PTPRZ1: variants seen among roughly 807,000 people sequenced by gnomAD.
The protein encoded by PTPRZ1 is receptor-type tyrosine-protein phosphatase zeta.
A neutral mutation model predicts 214.1 loss-of-function variants in PTPRZ1; 82 were observed. The ratio of observed to expected loss-of-function variants is 0.38; its 90% CI spans 0.32 to 0.46. PTPRZ1 has a LOEUF of 0.46. Among genes scored for constraint, PTPRZ1 ranks in the 20% least tolerant of loss-of-function variants. The pLI, the probability that PTPRZ1 is intolerant of heterozygous loss-of-function variation, is 1.00. For synonymous variants in PTPRZ1, 945 were observed against 987.9 expected (o/e 0.96, Z 0.81); for missense variants, 2,603 against 2,748.7 (o/e 0.95, Z 1.19).
At chr7:122,035,600 A>G (rs1363426820) in intron 17 of PTPRZ1, among the ~76,000 whole-genome samples, 2 of 152,236 alleles carry the variant, frequency 1.3e-5, no homozygotes, top group Non-Finnish European at 2.9e-5. Flanking sequence ...CAGAAATTCT[A>G]AAACTATTAA....
chr7:121,934,010 A>G (rs981180695), intron 2 of PTPRZ1, among the ~76,000 whole-genome samples: 5 of 152,132 alleles, frequency 3.3e-5, no homozygotes, highest in African/African-American at 1.2e-4. Context: ...GTTAAAAAAT[A>G]TGTATTTATA....
Position 122,011,599 on chromosome 7 carries a change from T to C in PTPRZ1, c.2553T>C (p.Ser851=). Residue 851 remains serine (S), a synonymous_variant, in exon 12 of 30, where the codon AGT becomes AGC. Coordinates refer to ENST00000393386, the MANE Select transcript of PTPRZ1 (RefSeq NM_002851.3). ...CACAAGTTACTTCAGCTACCGAGAGTGATAAGGTGCCCTTGCATGCTTCTC... is the reference window on the plus strand; with the variant it reads ...CACAAGTTACTTCAGCTACCGAGAGCGATAAGGTGCCCTTGCATGCTTCTC... The part of the protein sequence containing the change: ...ILPQVTSATE[S]DKVPLHASLP... 6.2e-7 allele frequency: 1 copy of C among 1,613,694 alleles called. No individual in the cohort carries two copies. The highest frequency in any genetic ancestry group is 8.5e-7 in the Non-Finnish European group (1 of 1,179,892).
intron 14 of PTPRZ1, among the ~76,000 whole-genome samples, chr7:122,029,098 T>G (rs1004272332): frequency 6.4e-5 from 9 of 140,720 alleles, no homozygotes; most frequent in Non-Finnish European, 1.2e-4. Flanking sequence ...AGAAAAGGGT[T>G]TTTTTTTTTT....
At chr7:122,000,769 C>A (rs1798299858) in intron 10 of PTPRZ1, among the ~76,000 whole-genome samples, 1 of 147,022 alleles carries the variant, frequency 6.8e-6, no homozygotes, top group Non-Finnish European at 1.5e-5. Flanking sequence ...CTGCTGCACC[C>A]TCCACCTCCT....
In PTPRZ1 at chr7:122,061,158, G is replaced by T; in HGVS notation, c.6886G>T (p.Asp2296Tyr). ...RQEENPSTSL[D>Y]SNGAALPDGN... Reference sequence around the variant, plus strand: ...GGAAGAGAATCCATCCACCTCTCTGGACAGTAATGGTGCAGCATTGCCTGA... The same window carrying T: ...GGAAGAGAATCCATCCACCTCTCTGTACAGTAATGGTGCAGCATTGCCTGA... The change falls in exon 30 of 30, where the codon GAC becomes TAC. Residue 2296 changes from aspartate (D) to tyrosine (Y), a missense_variant. Transcript: ENST00000393386. 1 of 1,610,786 alleles carries T rather than the reference G, an allele frequency of 6.2e-7. No individual in the cohort carries two copies. Among genetic ancestry groups the T allele is most frequent in the Non-Finnish European group, 8.5e-7 (1 of 1,177,926 alleles).
chr7:121,886,477 C>T (rs1280711844), intron 1 of PTPRZ1, among the ~76,000 whole-genome samples: 1 of 151,828 alleles, frequency 6.6e-6, no homozygotes, highest in Non-Finnish European at 1.5e-5. Context: ...CACACACACA[C>T]ACACACACAC....
rs759297807 is a variant in PTPRZ1 at position 122,012,650 on chromosome 7, G to A, written c.3604G>A (p.Val1202Met). Reference sequence around the variant, plus strand: ...CTTGCTTAAAACTGTTCTTCCAGCTGTGCCCAGTGATCCAATATTGGTTGA... The same window carrying A: ...CTTGCTTAAAACTGTTCTTCCAGCTATGCCCAGTGATCCAATATTGGTTGA... ...DTLLKTVLPA[V>M]PSDPILVETP... The change falls in exon 12 of 30, where the codon GTG becomes ATG. Residue 1202 changes from valine to methionine, a missense_variant. By Grantham distance (21) the Val-to-Met change is conservative (BLOSUM62 1). Coordinates refer to ENST00000393386, the MANE Select transcript of PTPRZ1 (RefSeq NM_002851.3). The A allele has an allele frequency of 9.9e-6, 16 of 1,613,576 alleles. No homozygotes were observed. In the Admixed American group the frequency reaches 2.3e-4, roughly 24 times the overall value.
chr7:121,955,785 T>C (rs1025777335), intron 2 of PTPRZ1, among the ~76,000 whole-genome samples: 30 of 152,184 alleles, frequency 2.0e-4, no homozygotes, highest in African/African-American at 7.2e-4. Flanking sequence ...AAGTGGTGTC[T>C]TGTCAGTGGG....
At chr7:122,052,015 A>G (rs1792202633) in intron 25 of PTPRZ1, 76 bp downstream of exon 25, 9 of 1,206,564 alleles carry the variant, frequency 7.5e-6, no homozygotes, top group Non-Finnish European at 9.3e-6. Context: ...TGCCAGAAGC[A>G]AAGACTACAG....
At chr7:121,881,727 C>T (rs1794245288) in intron 1 of PTPRZ1, among the ~76,000 whole-genome samples, 2 of 152,070 alleles carry the variant, frequency 1.3e-5, no homozygotes, top group Non-Finnish European at 2.9e-5. Flanking sequence ...CTTTTAAAGC[C>T]AGGGAAACTT....
At chr7:122,051,352 T>C (rs1169223378) in intron 23 of PTPRZ1, 76 bp from the exon 24 acceptor site, 1 of 920,846 alleles carries the variant, frequency 1.1e-6, no homozygotes. Context: ...TGTGTGTGTC[T>C]GTATGTATGT....
chr7:122,020,019 GGCATA>G (rs1798968644), intron 13 of PTPRZ1, among the ~76,000 whole-genome samples: 1 of 151,950 alleles, frequency 6.6e-6, no homozygotes, highest in Non-Finnish European at 1.5e-5. Context: ...ACCAAGAAAG[GGCATA>G]GCATAGTACT....
At chr7:121,972,911 A>G (rs1797301630) in intron 4 of PTPRZ1, among the ~76,000 whole-genome samples, 1 of 139,080 alleles carries the variant, frequency 7.2e-6, no homozygotes, top group South Asian at 2.5e-4. Flanking sequence ...CAAAATGGTA[A>G]TCAATAAATG....
In PTPRZ1 at chr7:122,061,655, A is replaced by G. The variant is rs997554494; in HGVS notation, c.*435A>G. The G allele has an allele frequency of 6.5e-6, 1 of 152,824 alleles. No individual in the cohort carries two copies. The highest frequency in any genetic ancestry group is 6.5e-5 in the Admixed American group (1 of 15,296). The allele number at this position is 152,824 out of a possible 1,614,324, so 9.5% of individuals were successfully genotyped here. ...AAAACACTCTTCCATATGATATTCAACATTTTACAACTGCAGTATTCACCT... is the reference window on the plus strand; with the variant it reads ...AAAACACTCTTCCATATGATATTCAGCATTTTACAACTGCAGTATTCACCT... On this transcript the variant is annotated 3_prime_UTR_variant, in exon 30 of 30. Transcript: ENST00000393386.
intron 2 of PTPRZ1, among the ~76,000 whole-genome samples, chr7:121,948,804 A>T (rs1053150501): frequency 6.6e-6 from 1 of 151,280 alleles, no homozygotes; most frequent in African/African-American, 2.4e-5. Context: ...TAGAGAAGTG[A>T]AGAGACTTAC....
At chr7:121,935,496 TGTTTGTTC>T (rs1484565014) in intron 2 of PTPRZ1, among the ~76,000 whole-genome samples, 11 of 152,008 alleles carry the variant, frequency 7.2e-5, no homozygotes, top group South Asian at 2.1e-4. Context: ...CTGTGGTTTT[TGTTTGTTC>T]GTTTGTTCGT....
intron 8 of PTPRZ1, among the ~76,000 whole-genome samples, chr7:121,985,249 G>C (rs1246215552): frequency 6.6e-6 from 1 of 152,028 alleles, no homozygotes; most frequent in Non-Finnish European, 1.5e-5. Context: ...ATAGCATACT[G>C]TCCAGTAAAT....
intron 2 of PTPRZ1, among the ~76,000 whole-genome samples, chr7:121,931,542 T>C (rs1030526316): frequency 2.0e-5 from 3 of 152,150 alleles, no homozygotes; most frequent in African/African-American, 7.2e-5. Flanking sequence ...TGGATGTATG[T>C]TGACTAATGG....
chr7:121,947,814 T>C (rs975931772), intron 2 of PTPRZ1, among the ~76,000 whole-genome samples: 2 of 152,124 alleles, frequency 1.3e-5, no homozygotes, highest in Non-Finnish European at 2.9e-5. Flanking sequence ...TGGTAACATA[T>C]CATTTTGGGT....
Sources: allele counts gnomAD v4.1 joint callset (sites outside exome capture counted in the v4.1 genomes callset), GRCh38; gene constraint gnomAD v4.1.1; transcripts MANE v1.5; gene names NCBI Gene and HGNC (gene_info 2026-07-23, HGNC 2026-07-21).